Variants in CLASP2 observed in about 807,000 individuals in gnomAD.
The protein encoded by CLASP2 is cytoplasmic linker associated protein 2, also known as CLIP-associating protein 2.
Under a neutral mutation model 194.4 loss-of-function variants are expected in CLASP2, and 47 were observed. That is an observed-to-expected ratio of 0.24 (90% CI 0.19 to 0.31). The LOEUF is 0.31. CLASP2 is among the 10% of genes least tolerant of loss of function. The pLI, the probability that CLASP2 is intolerant of heterozygous loss-of-function variation, is 1.00. For missense variants in CLASP2, 1,445 were observed against 1,823.6 expected, an observed-to-expected ratio of 0.79 and a Z score of 3.78; for synonymous variants, 619 against 633.5, an observed-to-expected ratio of 0.98 and a Z score of 0.34.
intron 37 of CLASP2, chr3:33,505,595 T>C (rs1354751724): frequency 1.3e-5 from 2 of 152,146 alleles, no homozygotes; most frequent in African/African-American, 2.4e-5. Context: ...CAATAATATA[T>C]GAAGTGATTT....
intron 6 of CLASP2, among the ~76,000 whole-genome samples, chr3:33,682,640 G>T (rs1342693498): frequency 6.6e-6 from 1 of 152,056 alleles, no homozygotes; most frequent in Non-Finnish European, 1.5e-5. Flanking sequence ...AAGAAAAAAA[G>T]CCATTGAAAA....
rs573544001 is a variant in CLASP2 at position 33,663,492 on chromosome 3, A to T, written c.668T>A (p.Phe223Tyr). 5 of 1,612,300 alleles carry T rather than the reference A, an allele frequency of 3.1e-6. No individual in the cohort carries two copies. In the South Asian group the frequency reaches 5.5e-5, roughly 18 times the overall value. The change falls in exon 7 of 39, where the codon TTT becomes TAT. Residue 223 changes from phenylalanine (F) to tyrosine (Y), a missense_variant. Phe to Tyr is a conservative substitution (Grantham distance 22). This residue lies in a region of CLASP2 where 332 missense variants were observed against 325.3 expected (regional missense o/e 1.02). Transcript: ENST00000682230. Reference protein sequence around the residue: ...PARLEMIFAKFDEVQSSGGMI... With the variant: ...PARLEMIFAKYDEVQSSGGMI... ...ACCGCCTGAACTTTGCACTTCATCA[A>T]ATTTGGCAAATATCATTTCTAATCT... is the stretch of plus-strand genomic sequence containing the variant.
chr3:33,514,699 G>A, intron 36 of CLASP2: 1 of 364,396 alleles, frequency 2.7e-6, no homozygotes, highest in Non-Finnish European at 5.6e-6. Flanking sequence ...AAGAAGTCAT[G>A]ATATGAAAAA....
chr3:33,644,789 T>C lies in CLASP2; in HGVS notation c.830A>G (p.Lys277Arg), dbSNP rs2081997955. 6.2e-7 allele frequency: 1 copy of C among 1,613,320 alleles called. No homozygotes were observed. The highest frequency in any genetic ancestry group is 1.1e-5 in the South Asian group (1 of 90,986). The change falls in exon 8 of 39, where the codon AAG becomes AGG. Residue 277 changes from lysine (K) to arginine (R), a missense_variant. Physicochemically the swap from Lys to Arg is conservative, Grantham distance 26. Around this residue, in one of 4 missense-constraint regions of CLASP2, gnomAD observed 207 missense variants for 331.4 expected, o/e 0.62. Transcript: ENST00000682230. Reference protein sequence around the residue: ...TSGNPANSARKPGSAGGPKVG... With the variant: ...TSGNPANSARRPGSAGGPKVG... ...CTTAGGGCCACCTGCTGAACCAGGC[T>C]TCCTTGCACTGTTGGCAGGATTTCC...
At chr3:33,506,239 T>C (rs2048133361) in intron 37 of CLASP2, among the ~76,000 whole-genome samples, 1 of 151,456 alleles carries the variant, frequency 6.6e-6, no homozygotes. Flanking sequence ...CCGGGCACGG[T>C]GGCAGGCACC....
intron 33 of CLASP2, among the ~76,000 whole-genome samples, chr3:33,538,171 C>T (rs772727665): frequency 6.6e-6 from 1 of 151,780 alleles, no homozygotes; most frequent in Non-Finnish European, 1.5e-5. Context: ...TGTGATCTGG[C>T]CCATGTTCCA....
intron 7 of CLASP2, among the ~76,000 whole-genome samples, chr3:33,659,851 C>T (rs562422334): frequency 2.0e-5 from 3 of 152,230 alleles, no homozygotes; most frequent in Admixed American, 6.5e-5. Context: ...AAAAGAGCTG[C>T]TTTGCTTTTC....
intron 24 of CLASP2, among the ~76,000 whole-genome samples, chr3:33,575,651 G>C (rs998583674): frequency 6.6e-6 from 1 of 152,016 alleles, no homozygotes; most frequent in African/African-American, 2.4e-5. Context: ...TGGATCTGTA[G>C]AATATGTTTT....
At chr3:33,561,073 C>G (rs1342166202) in intron 27 of CLASP2, 102 bp from the exon 28 acceptor site, 2 of 1,011,698 alleles carry the variant, frequency 2.0e-6, no homozygotes, top group Admixed American at 5.5e-5. Flanking sequence ...GAATCAGAGG[C>G]ACAGCGATTG....
rs1006018029 is a variant in CLASP2 at position 33,532,037 on chromosome 3, T to C, written c.3787+3196A>G. 4.6e-5 allele frequency among the ~76,000 whole-genome samples: 7 copies of C among 152,232 alleles called. No individual in the cohort carries two copies. In the East Asian group the frequency reaches 5.8e-4, roughly 13 times the overall value. On this transcript the variant is annotated intron_variant, in intron 34 of 38. Coordinates refer to ENST00000682230, the MANE Select transcript of CLASP2 (RefSeq NM_001365631.1). ...ACTTCTGGGTATTTACCCATCAAAA[T>C]TGAAAACAGGGTATTGAAGAGGTAT...
chr3:33,701,742 T>A (rs1184787545), intron 1 of CLASP2, among the ~76,000 whole-genome samples: 1 of 152,224 alleles, frequency 6.6e-6, no homozygotes, highest in Non-Finnish European at 1.5e-5. Flanking sequence ...AATGGTGATG[T>A]TACAATTGGA....
In CLASP2 at chr3:33,527,207, AATAG is replaced by A. The variant is rs531575615; in HGVS notation, c.3787+8022_3787+8025del. 1.4e-3 allele frequency among the ~76,000 whole-genome samples: 218 copies of A among 152,310 alleles called. 2 individuals are homozygous for A. The highest frequency in any genetic ancestry group is 4.7e-3 in the African/African-American group (194 of 41,574). On this transcript the variant is annotated intron_variant, in intron 34 of 38. Transcript: ENST00000682230. Reference sequence around the variant, plus strand: ...GAGTTGTTTTTGAAAAAATTAATAAAATAGATAGGCCACTAGCTAGACTAACAAA... The same window carrying A: ...GAGTTGTTTTTGAAAAAATTAATAAAATAGGCCACTAGCTAGACTAACAAA...
In CLASP2 at chr3:33,649,770, A is replaced by G. The variant is rs917225667; in HGVS notation, c.716-4867T>C. Among the ~76,000 whole-genome samples the G allele has an allele frequency of 2.0e-5, 3 of 152,282 alleles. No individual in the cohort carries two copies. In the South Asian group the frequency reaches 6.2e-4, roughly 32 times the overall value. On this transcript the variant is annotated intron_variant, in intron 7 of 38. Transcript: ENST00000682230. ...ATCATAAGTAAGATCTTATTTTCCT[A>G]TAGTCAATTCCTTTCAAGCTCTTCT...
intron 1 of CLASP2, among the ~76,000 whole-genome samples, chr3:33,710,077 TG>T (rs772441133): frequency 1.3e-5 from 2 of 152,222 alleles, no homozygotes; most frequent in Admixed American, 6.5e-5. Flanking sequence ...ATAAGCTTTG[TG>T]GCTGAATTTA....
At chr3:33,634,402 T>C (rs924169316) in intron 8 of CLASP2, among the ~76,000 whole-genome samples, 5 of 152,194 alleles carry the variant, frequency 3.3e-5, no homozygotes, top group Non-Finnish European at 7.3e-5. Flanking sequence ...TCAAGGGCTA[T>C]ATGGTCTCTG....
chr3:33,637,331 T>C (rs2080338418), intron 8 of CLASP2, among the ~76,000 whole-genome samples: 1 of 152,060 alleles, frequency 6.6e-6, no homozygotes, highest in Admixed American at 6.6e-5. Flanking sequence ...CAGGAAATCC[T>C]GACTAGCCAG....
chr3:33,559,393 A>C lies in CLASP2; in HGVS notation c.2931-8T>G. The stretch of plus-strand genomic sequence containing the variant: ...TCATTTGGAAAAGACTCTCTGAAAC[A>C]AGAACAAAGCAAAACGAAACAAAAA... On this transcript the variant is annotated splice_region_variant and splice_polypyrimidine_tract_variant and intron_variant, in intron 28 of 38. Coordinates refer to ENST00000682230, the MANE Select transcript of CLASP2 (RefSeq NM_001365631.1). 1.3e-6 allele frequency: 2 copies of C among 1,563,960 alleles called. No individual in the cohort carries two copies. The highest frequency in any genetic ancestry group is 8.7e-7 in the Non-Finnish European group (1 of 1,147,084).
At chr3:33,604,613 G>A (rs115434652) in intron 16 of CLASP2, among the ~76,000 whole-genome samples, 3 of 152,276 alleles carry the variant, frequency 2.0e-5, no homozygotes, top group East Asian at 1.9e-4. Flanking sequence ...GAGCCACCGT[G>A]CCTAGCTGGT....
At chr3:33,518,791 T>A (rs1489653525) in intron 34 of CLASP2, among the ~76,000 whole-genome samples, 1 of 152,226 alleles carries the variant, frequency 6.6e-6, no homozygotes, top group Non-Finnish European at 1.5e-5. Flanking sequence ...TGACATATAA[T>A]GATCTGGACA....
Sources: gnomAD v4.1 joint callset for allele counts (sites outside exome capture counted in the v4.1 genomes callset) on GRCh38, gnomAD v4.1.1 for gene constraint, gnomAD v4.1.1 regional missense constraint, MANE v1.5 for transcripts, NCBI Gene and HGNC (gene_info 2026-07-23, HGNC 2026-07-21) for gene names.